Variants in SORCS2 observed in about 807,000 individuals in gnomAD.
SORCS2 encodes sortilin related VPS10 domain containing receptor 2.
SORCS2 carries 100 observed loss-of-function variants against 141.6 expected under a neutral mutation model. The ratio of observed to expected loss-of-function variants is 0.71; its 90% CI spans 0.60 to 0.83. The LOEUF (loss-of-function observed/expected upper bound fraction) is 0.83, where lower values mean the gene tolerates loss of function less well. Ranked by LOEUF, SORCS2 falls within the 40% of genes least tolerant of loss-of-function variation. The pLI, the probability that SORCS2 is intolerant of heterozygous loss-of-function variation, is 0.00. For missense variants in SORCS2, 1,646 were observed against 1,560.2 expected (o/e 1.05, Z -0.93); for synonymous variants, 789 against 676.9 (o/e 1.17, Z -2.57).
chr4:7,294,756 C>T (rs1249812061), intron 1 of SORCS2, among the ~76,000 whole-genome samples: 2 of 38,472 alleles, frequency 5.2e-5, no homozygotes, highest in Admixed American at 2.0e-4. Flanking sequence ...TCTCTTCTCC[C>T]CAGCTCCCTC....
At chr4:7,524,223 G>T (rs952680535) in intron 2 of SORCS2, among the ~76,000 whole-genome samples, 2 of 152,178 alleles carry the variant, frequency 1.3e-5, no homozygotes, top group African/African-American at 4.8e-5. Flanking sequence ...CTTTAGGGTG[G>T]GCACTATATC....
At chr4:7,513,680 T>A (rs1732799530) in intron 2 of SORCS2, among the ~76,000 whole-genome samples, 1 of 152,222 alleles carries the variant, frequency 6.6e-6, no homozygotes, top group Non-Finnish European at 1.5e-5. Context: ...GCCTCCCACC[T>A]GCCCCAGATC....
At chr4:7,628,676 C>T (rs757238) in intron 3 of SORCS2, among the ~76,000 whole-genome samples, 4 of 151,578 alleles carry the variant, frequency 2.6e-5, no homozygotes, top group African/African-American at 4.9e-5. Flanking sequence ...TGGCCTCGTG[C>T]GGGATCGGCC....
chr4:7,305,033 CTTTT>C (rs748748182), intron 1 of SORCS2, among the ~76,000 whole-genome samples: 5 of 52,758 alleles, frequency 9.5e-5, no homozygotes, highest in African/African-American at 1.4e-4. Flanking sequence ...TCTGGCTCTT[CTTTT>C]TTTTTTTTTT....
chr4:7,591,862 G>A (rs1716938460), intron 3 of SORCS2, among the ~76,000 whole-genome samples: 1 of 152,170 alleles, frequency 6.6e-6, no homozygotes, highest in Admixed American at 6.5e-5. Context: ...GCTCTGCGGT[G>A]TTTGTGCTTA....
intron 4 of SORCS2, among the ~76,000 whole-genome samples, chr4:7,647,695 G>T (rs1424899343): frequency 6.6e-6 from 1 of 152,208 alleles, no homozygotes; most frequent in African/African-American, 2.4e-5. Context: ...GAGGAGGGCA[G>T]GGGGGTCGCC....
At chr4:7,649,325 G>T (rs1721284152) in intron 4 of SORCS2, among the ~76,000 whole-genome samples, 1 of 148,536 alleles carries the variant, frequency 6.7e-6, no homozygotes, top group Admixed American at 6.7e-5. Context: ...GAGTGAGCAG[G>T]ATGGCAGCCA....
At chr4:7,469,453 A>G (rs1196908033) in intron 2 of SORCS2, among the ~76,000 whole-genome samples, 2 of 152,198 alleles carry the variant, frequency 1.3e-5, no homozygotes, top group African/African-American at 4.8e-5. Context: ...CGGTTCATGT[A>G]TCTTCCCTCA....
intron 19 of SORCS2, among the ~76,000 whole-genome samples, chr4:7,724,136 G>GTGATGGTGGTGATAGTGGTGGTGGTGA (rs1553808145): frequency 7.8e-6 from 1 of 127,688 alleles, no homozygotes; most frequent in Non-Finnish European, 1.7e-5. Context: ...GGTGGTGGTG[G>GTGATGGTGGTGATAGTGGTGGTGGTGA]TGGTGATGGT....
chr4:7,617,640 A>G (rs148749688), intron 3 of SORCS2, among the ~76,000 whole-genome samples: 4 of 152,284 alleles, frequency 2.6e-5, no homozygotes, highest in Admixed American at 2.0e-4. Context: ...ATAGAGGAGG[A>G]GACATTTGAG....
intron 11 of SORCS2, among the ~76,000 whole-genome samples, chr4:7,695,996 G>A (rs1357026784): frequency 6.6e-6 from 1 of 151,608 alleles, no homozygotes; most frequent in Non-Finnish European, 1.5e-5. Context: ...AGGTAGGTGG[G>A]TGAGTGGGTA....
intron 1 of SORCS2, among the ~76,000 whole-genome samples, chr4:7,393,367 C>A (rs887537824): frequency 6.6e-6 from 1 of 152,104 alleles, no homozygotes; most frequent in Non-Finnish European, 1.5e-5. Context: ...AAAACTGTCC[C>A]GGGGATATTT....
At chr4:7,346,063 T>G (rs1272555213) in intron 1 of SORCS2, among the ~76,000 whole-genome samples, 1 of 152,262 alleles carries the variant, frequency 6.6e-6, no homozygotes, top group Non-Finnish European at 1.5e-5. Context: ...CATTTATTTC[T>G]GCTCTGATCT....
intron 3 of SORCS2, among the ~76,000 whole-genome samples, chr4:7,605,893 G>T (rs1390396182): frequency 6.6e-6 from 1 of 152,166 alleles, no homozygotes; most frequent in Non-Finnish European, 1.5e-5. Flanking sequence ...ACCCTCCAAA[G>T]CCCACAGACA....
chr4:7,638,604 G>A (rs1184742585), intron 4 of SORCS2, 112 bp downstream of exon 4: 3 of 1,153,860 alleles, frequency 2.6e-6, no homozygotes, highest in Non-Finnish European at 3.5e-6. Flanking sequence ...TGGGCTGGCT[G>A]AGGAGGAGCC....
intron 2 of SORCS2, among the ~76,000 whole-genome samples, chr4:7,412,574 G>A (rs555909980): frequency 2.0e-5 from 3 of 152,188 alleles, no homozygotes; most frequent in South Asian, 2.1e-4. Flanking sequence ...GAAATGTCGG[G>A]TGATGATTTG....
chr4:7,476,797 C>T (rs4689128), intron 2 of SORCS2, among the ~76,000 whole-genome samples: 139,910 of 152,206 alleles, frequency 0.92, 64,354 homozygotes, highest in South Asian at 0.97. Flanking sequence ...ATTTTCTCCA[C>T]GACTCTGGTC....
intron 10 of SORCS2, among the ~76,000 whole-genome samples, chr4:7,685,878 G>A (rs914759298): frequency 6.6e-6 from 1 of 152,078 alleles, no homozygotes; most frequent in South Asian, 2.1e-4. Context: ...AGGACTTAGC[G>A]CTCATAAAAG....
chr4:7,634,371 CA>C (rs57071486), intron 3 of SORCS2, among the ~76,000 whole-genome samples: 84,562 of 135,656 alleles, frequency 0.62, 24,974 homozygotes, highest in East Asian at 0.95. Flanking sequence ...GACTGTGTCT[CA>C]AAAAAAAAAA....
Sources: allele counts gnomAD v4.1 joint callset (sites outside exome capture counted in the v4.1 genomes callset), GRCh38; gene constraint gnomAD v4.1.1; transcripts MANE v1.5; gene names NCBI Gene and HGNC (gene_info 2026-07-23, HGNC 2026-07-21).